Variants in ISY1 observed in about 807,000 individuals in gnomAD.
The protein encoded by ISY1 is ISY1 spliceosome associated protein.
A neutral mutation model predicts 54.4 loss-of-function variants in ISY1; 12 were observed. The ratio of observed to expected loss-of-function variants is 0.22; its 90% confidence interval spans 0.14 to 0.36. ISY1 has a LOEUF of 0.36. Ranked by LOEUF, ISY1 falls within the 10% of genes least tolerant of loss-of-function variation. The pLI is 1.00. For missense variants in ISY1, 282 were observed against 342.2 expected (o/e 0.82, Z 1.39); for synonymous variants, 96 against 117.9 (o/e 0.81, Z 1.20).
intron 5 of ISY1, among the ~76,000 whole-genome samples, chr3:129,150,272 G>C (rs1240239172): frequency 2.6e-5 from 4 of 152,196 alleles, no homozygotes; most frequent in East Asian, 1.9e-4. Context: ...TATTGGAAGA[G>C]AGAAAGAATT....
intron 5 of ISY1, among the ~76,000 whole-genome samples, chr3:129,146,754 A>G (rs149039049): frequency 6.6e-6 from 1 of 152,244 alleles, no homozygotes; most frequent in African/African-American, 2.4e-5. Context: ...TGGATAGTCT[A>G]TTTTTTTAAA....
intron 10 of ISY1, 134 bp downstream of exon 10, chr3:129,130,416 G>T: frequency 8.3e-7 from 1 of 1,211,252 alleles, no homozygotes; most frequent in Non-Finnish European, 1.1e-6. Flanking sequence ...TGAACACAAT[G>T]ACAGGTGTCA....
At position 129,160,542 on chromosome 3, in the gene ISY1, C is replaced by T. The variant is rs1937276154; in HGVS notation, c.3+431G>A. 3.3e-5 allele frequency among the ~76,000 whole-genome samples: 5 copies of T among 151,948 alleles called. No homozygotes were observed. In the South Asian group the frequency reaches 1.0e-3, roughly 32 times the overall value. On this transcript the variant is annotated intron_variant, in intron 1 of 10. Coordinates refer to ENST00000393295, the MANE Select transcript of ISY1 (RefSeq NM_020701.4). ...GGAAGCAATAAGGAAAAGACCCTAC[C>T]CTCGTGATGTCTGTATATTATGGAG...
At chr3:129,139,006 C>T (rs1254222636) in intron 7 of ISY1, among the ~76,000 whole-genome samples, 1 of 151,828 alleles carries the variant, frequency 6.6e-6, no homozygotes, top group African/African-American at 2.4e-5. Context: ...ACGATCTCGG[C>T]TCACTGCAAC....
intron 6 of ISY1, among the ~76,000 whole-genome samples, chr3:129,143,243 A>T (rs1936674747): frequency 6.6e-6 from 1 of 151,922 alleles, no homozygotes; most frequent in Non-Finnish European, 1.5e-5. Context: ...GCAGTGGCTC[A>T]CATCTGTAAT....
At chr3:129,145,961 T>C in intron 5 of ISY1, 88 bp from the exon 6 acceptor site, 1 of 1,311,440 alleles carries the variant, frequency 7.6e-7, no homozygotes, top group Non-Finnish European at 1.1e-6. Context: ...ATCCTTAAAA[T>C]GAATGTCAAC....
In ISY1 at chr3:129,142,425, A is replaced by G. The variant is rs566039044; in HGVS notation, c.301-1940T>C. ...TCTTCTTAGGAAATACACATATATTAAAGGGTAAAGAAGCATGATGTATTG... is the reference window on the plus strand; with the variant it reads ...TCTTCTTAGGAAATACACATATATTGAAGGGTAAAGAAGCATGATGTATTG... On this transcript the variant is annotated intron_variant, in intron 6 of 10. Transcript: ENST00000393295. Among the ~76,000 whole-genome samples the G allele has an allele frequency of 3.9e-5, 6 of 152,318 alleles. No homozygotes were observed. The East Asian group carries it at 1.2e-3, about 29-fold the overall frequency.
At chr3:129,134,018 C>A in intron 9 of ISY1, 56 bp downstream of exon 9, 1 of 1,606,090 alleles carries the variant, frequency 6.2e-7, no homozygotes. Flanking sequence ...CTCCCTGCCA[C>A]ACTTCATGGC....
rs1937280966 is a variant in ISY1, at chr3:129,160,681, C to G, written c.3+292G>C. ...AGCCGGCCCACACTATGCACCGTAA[C>G]TCGGAGCGGGACCTAGTGCTTCTCT... On this transcript the variant is annotated intron_variant, in intron 1 of 10. Transcript: ENST00000393295. Among the ~76,000 whole-genome samples, 3 of 152,242 alleles carry G rather than the reference C, an allele frequency of 2.0e-5. No individual in the cohort carries two copies. The South Asian group carries it at 6.2e-4, about 32-fold the overall frequency.
intron 5 of ISY1, among the ~76,000 whole-genome samples, chr3:129,151,411 C>G (rs867916726): frequency 9.8e-4 from 148 of 151,460 alleles, no homozygotes; most frequent in African/African-American, 3.4e-3. Flanking sequence ...GGTGGATCAC[C>G]TGAGGTTGGG....
intron 2 of ISY1, 101 bp from the exon 3 acceptor site, chr3:129,158,660 T>C (rs920284140): frequency 7.0e-7 from 1 of 1,437,848 alleles, no homozygotes; most frequent in East Asian, 2.3e-5. Flanking sequence ...TATGACCATA[T>C]TTAATGTCAT....
intron 5 of ISY1, among the ~76,000 whole-genome samples, chr3:129,150,531 G>A (rs1425510354): frequency 2.0e-5 from 3 of 152,058 alleles, no homozygotes; most frequent in African/African-American, 7.2e-5. Context: ...CTAACATGGT[G>A]AAACCTCGTC....
chr3:129,143,790 T>C (rs1304928183), intron 6 of ISY1, among the ~76,000 whole-genome samples: 1 of 151,850 alleles, frequency 6.6e-6, no homozygotes, highest in Non-Finnish European at 1.5e-5. Context: ...ATACAGTGAG[T>C]ATGGTTTCAA....
intron 5 of ISY1, among the ~76,000 whole-genome samples, chr3:129,151,094 C>T (rs992811478): frequency 1.4e-4 from 21 of 146,954 alleles, no homozygotes; most frequent in African/African-American, 4.0e-4. Flanking sequence ...TGCACTCCAG[C>T]GTGGGTGACA....
Position 129,143,375 on chromosome 3 carries a change from G to GCA in ISY1, c.300+2384_300+2385dup, listed in dbSNP as rs529561886. ...ATAAAAATTAGCCAGGTGTGGTGGC[G>GCA]CACACCTATAATCTCAGCTGCTCTG... is the stretch of plus-strand genomic sequence containing the variant. On this transcript the variant is annotated intron_variant, in intron 6 of 10. Coordinates refer to ENST00000393295, the MANE Select transcript of ISY1 (RefSeq NM_020701.4). 2.3e-4 allele frequency among the ~76,000 whole-genome samples: 35 copies of GCA among 151,666 alleles called. No homozygotes were observed. In the East Asian group the frequency reaches 6.6e-3, roughly 29 times the overall value.
intron 5 of ISY1, among the ~76,000 whole-genome samples, chr3:129,149,750 C>T (rs1936897061): frequency 1.5e-5 from 2 of 133,330 alleles, no homozygotes; most frequent in Non-Finnish European, 3.1e-5. Context: ...GATCGTACCA[C>T]TGCACTCCAG....
intron 7 of ISY1, among the ~76,000 whole-genome samples, chr3:129,136,821 C>G (rs959657519): frequency 1.3e-5 from 2 of 151,356 alleles, no homozygotes; most frequent in African/African-American, 4.9e-5. Flanking sequence ...TCCCGAGTAG[C>G]TGGGATTATA....
At chr3:129,159,026 A>G (rs1437584490) in intron 2 of ISY1, 128 bp downstream of exon 2, 5 of 1,219,544 alleles carry the variant, frequency 4.1e-6, no homozygotes, top group African/African-American at 1.5e-5. Flanking sequence ...ATGTAAGAAC[A>G]TAACATATGT....
At chr3:129,143,461 G>C (rs138743313) in intron 6 of ISY1, among the ~76,000 whole-genome samples, 1 of 143,872 alleles carries the variant, frequency 7.0e-6, no homozygotes, top group Admixed American at 7.0e-5. Flanking sequence ...AGCCAAGATC[G>C]CACCACTGCA....
Sources: gnomAD v4.1 joint callset for allele counts (sites outside exome capture counted in the v4.1 genomes callset) on GRCh38, gnomAD v4.1.1 for gene constraint, MANE v1.5 for transcripts, NCBI Gene and HGNC (gene_info 2026-07-23, HGNC 2026-07-21) for gene names.